Variants in NUP153 observed in about 807,000 individuals in gnomAD.
NUP153 encodes the protein nuclear pore complex protein Nup153.
In NUP153, 27 loss-of-function variants were observed where a neutral mutation model predicts 134.6. That is an observed-to-expected ratio of 0.20 (90% CI 0.15 to 0.28). NUP153 has a LOEUF of 0.28. NUP153 is among the 10% of genes least tolerant of loss of function. NUP153 has a pLI of 1.00. For missense variants in NUP153, 1,821 were observed against 1,731.3 expected (o/e 1.05, Z -0.92); for synonymous variants, 640 against 623.5 (o/e 1.03, Z -0.40).
intron 16 of NUP153, among the ~76,000 whole-genome samples, chr6:17,636,232 G>A (rs939522771): frequency 6.6e-6 from 1 of 151,942 alleles, no homozygotes. Flanking sequence ...CTACTTGAGA[G>A]GCTGAGGCAC....
rs932210717 is a variant in NUP153 at position 17,629,174 on chromosome 6, C to T, written c.3025G>A (p.Glu1009Lys). 6.2e-7 allele frequency: 1 copy of T among 1,613,256 alleles called. No individual in the cohort carries two copies. The highest frequency in any genetic ancestry group is 1.1e-5 in the South Asian group (1 of 90,816). Residue 1009 changes from glutamate to lysine, a missense_variant, in exon 18 of 22, where the codon GAA (glutamate) becomes AAA (lysine). Coordinates refer to ENST00000262077, the MANE Select transcript of NUP153 (RefSeq NM_005124.4). ...GATTTGGGCAGTTCCTCTTTCTTTT[C>T]TTCCTGTCCAAGATTAGATACCCCA... is the stretch of plus-strand genomic sequence containing the variant. ...QFGVSNLGQEEKKEELPKSSS... is the reference protein window; with the variant it reads ...QFGVSNLGQEKKKEELPKSSS...
At chr6:17,673,273 G>A (rs747513998) in intron 5 of NUP153, among the ~76,000 whole-genome samples, 11 of 152,076 alleles carry the variant, frequency 7.2e-5, no homozygotes, top group African/African-American at 1.2e-4. Context: ...GGAGGCTGAC[G>A]CAGAGAATTG....
chr6:17,669,375 C>A, intron 6 of NUP153, 38 bp from the exon 7 acceptor site: 1 of 1,598,578 alleles, frequency 6.3e-7, no homozygotes, highest in South Asian at 1.1e-5. Context: ...TAAGATTTTT[C>A]AATAATATCA....
At chr6:17,660,649 A>T (rs1561883114) in intron 11 of NUP153, among the ~76,000 whole-genome samples, 1 of 152,088 alleles carries the variant, frequency 6.6e-6, no homozygotes, top group Non-Finnish European at 1.5e-5. Context: ...GATCAAGAGA[A>T]AACTCAAATG....
Position 17,637,765 on chromosome 6 carries a change from C to T in NUP153, c.1852G>A (p.Ala618Thr), listed in dbSNP as rs758438447. 5.0e-6 allele frequency: 8 copies of T among 1,594,976 alleles called. No homozygotes were observed. The highest frequency in any genetic ancestry group is 4.5e-5 in the East Asian group (2 of 44,790). ...GCAACAGAATCTATCTTCGGCGATG[C>T]GAAACCTACAATGAACGAAGGAGAG... Reference protein sequence around the residue: ...VLDILKSPGFASPKIDSVAAQ... With the variant: ...VLDILKSPGFTSPKIDSVAAQ... Residue 618 changes from alanine to threonine, a missense_variant, in exon 16 of 22, where the codon GCA (alanine) becomes ACA (threonine). Ala to Thr is a moderately conservative substitution (Grantham distance 58). Transcript: ENST00000262077.
rs1765605147 is a variant in NUP153 at position 17,637,418 on chromosome 6, C to T, written c.2199G>A (p.Val733=). The T allele has an allele frequency of 6.8e-6, 11 of 1,614,222 alleles. No homozygotes were observed. Among genetic ancestry groups the T allele is most frequent in the African/African-American group, 1.3e-5 (1 of 75,042 alleles). Residue 733 remains valine (V), a synonymous_variant, in exon 16 of 22, where the codon GTG becomes GTA. Coordinates refer to ENST00000262077, the MANE Select transcript of NUP153 (RefSeq NM_005124.4). The part of the protein sequence containing the change: ...IGTWDCDTCL[V]QNKPEAIKCV... ...ATTTTATTGCTTCAGGTTTATTTTG[C>T]ACTAAACAGGTATCACAATCCCAAG...
At chr6:17,627,955 ACTT>A (rs1765026411) in intron 18 of NUP153, among the ~76,000 whole-genome samples, 2 of 152,104 alleles carry the variant, frequency 1.3e-5, no homozygotes, top group Non-Finnish European at 2.9e-5. Context: ...TTTCCCCAAA[ACTT>A]CTTATCTTCT....
intron 11 of NUP153, among the ~76,000 whole-genome samples, chr6:17,657,031 C>T (rs1487158374): frequency 6.6e-6 from 1 of 152,138 alleles, no homozygotes. Context: ...TCAAGAATAC[C>T]TGTTAGCCAC....
At chr6:17,652,352 G>A (rs1002514203) in intron 11 of NUP153, among the ~76,000 whole-genome samples, 6 of 151,914 alleles carry the variant, frequency 3.9e-5, no homozygotes, top group Non-Finnish European at 8.8e-5. Context: ...TAATCACAAT[G>A]AAATTATATT....
intron 20 of NUP153, among the ~76,000 whole-genome samples, chr6:17,621,430 A>G (rs1233706117): frequency 1.3e-5 from 2 of 152,246 alleles, no homozygotes; most frequent in African/African-American, 4.8e-5. Context: ...ACTATTCACA[A>G]CAGCCAAGAT....
chr6:17,647,464 CCAT>C (rs1766257990), intron 13 of NUP153, among the ~76,000 whole-genome samples: 1 of 152,076 alleles, frequency 6.6e-6, no homozygotes, highest in South Asian at 2.1e-4. Flanking sequence ...TGAATATGGA[CCAT>C]GTCGTTATTA....
rs373052717 is a variant in NUP153 at position 17,624,773 on chromosome 6, G to A, written c.3962C>T (p.Ala1321Val). ...SAPSASPAFG[A>V]NQTPTFGQSQ... The stretch of plus-strand genomic sequence containing the variant: ...TTGTCCAAATGTTGGGGTCTGGTTA[G>A]CACCAAATGCTGGACTGGCAGATGG... The change falls in exon 20 of 22, where the codon GCT becomes GTT. Residue 1321 changes from alanine (A) to valine (V), a missense_variant. By Grantham distance (64) the Ala-to-Val change is moderately conservative. Coordinates refer to ENST00000262077, the MANE Select transcript of NUP153 (RefSeq NM_005124.4). The A allele has an allele frequency of 6.8e-6, 11 of 1,614,000 alleles. No homozygotes were observed. The highest frequency in any genetic ancestry group is 2.2e-5 in the East Asian group (1 of 44,878).
chr6:17,676,047 A>C (rs1409728991), intron 2 of NUP153, among the ~76,000 whole-genome samples: 1 of 152,226 alleles, frequency 6.6e-6, no homozygotes, highest in Non-Finnish European at 1.5e-5. Flanking sequence ...AGTTGATTAA[A>C]CCCATTCACT....
At chr6:17,647,953 A>G (rs1766293365) in intron 12 of NUP153, 48 bp from the exon 13 acceptor site, 1 of 1,186,362 alleles carries the variant, frequency 8.4e-7, no homozygotes, top group Non-Finnish European at 1.2e-6. Context: ...GCTTTTTAGA[A>G]AAATAAAGTG....
At chr6:17,690,472 T>C (rs910588236) in intron 1 of NUP153, among the ~76,000 whole-genome samples, 3 of 152,192 alleles carry the variant, frequency 2.0e-5, no homozygotes, top group Non-Finnish European at 2.9e-5. Flanking sequence ...AAAATAACAC[T>C]GCCTCCTATT....
chr6:17,697,720 G>C (rs902144528), intron 1 of NUP153, among the ~76,000 whole-genome samples: 1 of 152,030 alleles, frequency 6.6e-6, no homozygotes, highest in African/African-American at 2.4e-5. Context: ...CAGCTGGGGT[G>C]GGGGCAGGCT....
chr6:17,649,124 A>C (rs1766371575), intron 12 of NUP153, 39 bp downstream of exon 12: 1 of 1,537,578 alleles, frequency 6.5e-7, no homozygotes. Flanking sequence ...GAATTAAGAA[A>C]GAACAAATGT....
intron 8 of NUP153, among the ~76,000 whole-genome samples, chr6:17,666,755 A>C (rs1561888318): frequency 6.6e-6 from 1 of 152,202 alleles, no homozygotes; most frequent in Non-Finnish European, 1.5e-5. Flanking sequence ...ACATAGTAAA[A>C]ATCCTGTTGG....
intron 11 of NUP153, among the ~76,000 whole-genome samples, chr6:17,657,370 C>T (rs1561880612): frequency 6.7e-6 from 1 of 150,352 alleles, no homozygotes; most frequent in Admixed American, 6.7e-5. Flanking sequence ...TGGCAAAACC[C>T]CGTCTCTACT....
Sources: gnomAD v4.1 joint callset for allele counts (sites outside exome capture counted in the v4.1 genomes callset) on GRCh38, gnomAD v4.1.1 for gene constraint, MANE v1.5 for transcripts, NCBI Gene and HGNC (gene_info 2026-07-23, HGNC 2026-07-21) for gene names.